FIG4: variants seen among roughly 807,000 people sequenced by gnomAD.
The protein encoded by FIG4 is FIG4 phosphoinositide 5-phosphatase.
A neutral mutation model predicts 118.6 loss-of-function variants in FIG4; 112 were observed. The ratio of observed to expected loss-of-function variants is 0.94; its 90% CI spans 0.81 to 1.11. FIG4 has a LOEUF of 1.11. FIG4 is among the 50% of genes least tolerant of loss of function. FIG4 has a pLI of 0.00. For synonymous variants in FIG4, 369 were observed against 381.2 expected (o/e 0.97, Z 0.37); for missense variants, 969 against 1,111.7 (o/e 0.87, Z 1.83).
chr6:109,756,075 C>T (rs1328923589), intron 10 of FIG4, among the ~76,000 whole-genome samples: 7 of 152,150 alleles, frequency 4.6e-5, no homozygotes, highest in Non-Finnish European at 7.3e-5. Context: ...CGGCTGGTGC[C>T]GGTTGTTCCT....
intron 1 of FIG4, among the ~76,000 whole-genome samples, chr6:109,695,992 T>C (rs1774707070): frequency 6.6e-6 from 1 of 152,222 alleles, no homozygotes; most frequent in South Asian, 2.1e-4. Context: ...AACAAACAAG[T>C]GAATTTTTTT....
intron 3 of FIG4, among the ~76,000 whole-genome samples, chr6:109,723,147 TG>T (rs1184195520): frequency 6.6e-6 from 1 of 152,250 alleles, no homozygotes; most frequent in Non-Finnish European, 1.5e-5. Flanking sequence ...AAACTTTTAA[TG>T]TTTTCCTTTG....
intron 22 of FIG4, among the ~76,000 whole-genome samples, chr6:109,797,062 T>C (rs569312227): frequency 3.3e-5 from 5 of 152,168 alleles, no homozygotes; most frequent in Non-Finnish European, 5.9e-5. Flanking sequence ...AATGCATCTT[T>C]GGAGGTGGGT....
intron 14 of FIG4, among the ~76,000 whole-genome samples, chr6:109,766,137 T>G (rs1777272081): frequency 6.6e-6 from 1 of 152,130 alleles, no homozygotes; most frequent in African/African-American, 2.4e-5. Context: ...GTGTCCTTAT[T>G]ATAAAAGACT....
rs182299340 is a variant in FIG4, at chr6:109,721,984, A to G, written c.290-5125A>G. The stretch of plus-strand genomic sequence containing the variant: ...AAGAATTTTTATCTAAAAAATAAAT[A>G]TACAGCAAGAATAAAAGGAAAACTA... On this transcript the variant is annotated intron_variant, in intron 3 of 22. Transcript: ENST00000230124. Among the ~76,000 whole-genome samples, 17 of 152,340 alleles carry G rather than the reference A, an allele frequency of 1.1e-4. No individual in the cohort carries two copies. The East Asian group carries it at 3.1e-3, about 28-fold the overall frequency.
In FIG4 at chr6:109,732,622, T is replaced by G; in HGVS notation, c.447-15T>G. 6.5e-6 allele frequency: 6 copies of G among 924,214 alleles called. No individual in the cohort carries two copies. Among genetic ancestry groups the G allele is most frequent in the Non-Finnish European group, 7.6e-6 (5 of 661,806 alleles). The allele number at this position is 924,214 out of a possible 1,614,324, so 57.3% of individuals were successfully genotyped here. A position where few individuals can be genotyped will look rare whatever the true frequency, so the allele number is the denominator to read the frequency against. On this transcript the variant is annotated splice_polypyrimidine_tract_variant and intron_variant, in intron 4 of 22. Coordinates refer to ENST00000230124, the MANE Select transcript of FIG4 (RefSeq NM_014845.6). ...TATTGGACAAATGAAATGTACTTTG[T>G]TTTTTTTTTTTTAGGTATCTACGAA...
At chr6:109,744,569 T>C (rs2128387238) in intron 10 of FIG4, among the ~76,000 whole-genome samples, 1 of 152,108 alleles carries the variant, frequency 6.6e-6, no homozygotes, top group Middle Eastern at 3.4e-3. Context: ...TTAATAAATG[T>C]AGATGAGTTT....
intron 10 of FIG4, among the ~76,000 whole-genome samples, chr6:109,752,106 G>A (rs984314385): frequency 1.3e-5 from 2 of 149,900 alleles, no homozygotes; most frequent in African/African-American, 4.9e-5. Context: ...TTTTGTTCTT[G>A]CGATAGTTTA....
In FIG4 at chr6:109,771,470, T is replaced by TTC. The variant is rs2128393650; in HGVS notation, c.1750+4576_1750+4577insCT. 1.4e-5 allele frequency among the ~76,000 whole-genome samples: 2 copies of TTC among 138,232 alleles called. 1 individual carries two copies. Among genetic ancestry groups the TTC allele is most frequent in the East Asian group, 4.1e-4 (2 of 4,820 alleles). 90.7% of individuals were successfully genotyped at this position (138,232 alleles called of 152,430 possible). On this transcript the variant is annotated intron_variant, in intron 15 of 22. Transcript: ENST00000230124. ...GGAACTTCCTCTAATTCTTTTTTTTTTTTTTTTTTTTTTTTTGAGACAGAG... is the reference window on the plus strand; with the variant it reads ...GGAACTTCCTCTAATTCTTTTTTTTTTCTTTTTTTTTTTTTTTTGAGACAGAG...
chr6:109,755,536 G>T (rs1018647246), intron 10 of FIG4, among the ~76,000 whole-genome samples: 1 of 152,148 alleles, frequency 6.6e-6, no homozygotes, highest in South Asian at 2.1e-4. Flanking sequence ...TGACAGTGGG[G>T]TGTTGAAGTT....
intron 19 of FIG4, 28 bp from the exon 20 acceptor site, chr6:109,791,348 C>G: frequency 6.3e-7 from 1 of 1,591,272 alleles, no homozygotes; most frequent in East Asian, 2.2e-5. Flanking sequence ...TTTAAAGATG[C>G]TTCACTTCCA....
At chr6:109,770,850 C>T (rs1231395800) in intron 15 of FIG4, among the ~76,000 whole-genome samples, 2 of 152,120 alleles carry the variant, frequency 1.3e-5, no homozygotes, top group African/African-American at 2.4e-5. Flanking sequence ...AATATCCAAA[C>T]GATATCACAG....
At chr6:109,767,999 C>T (rs771551747) in intron 15 of FIG4, among the ~76,000 whole-genome samples, 44 of 152,134 alleles carry the variant, frequency 2.9e-4, no homozygotes, top group Middle Eastern at 3.2e-3. Flanking sequence ...GTTGAAGAGA[C>T]GCAGCATGTA....
chr6:109,762,690 G>T (rs1777148816), intron 12 of FIG4, among the ~76,000 whole-genome samples: 1 of 151,370 alleles, frequency 6.6e-6, no homozygotes, highest in Non-Finnish European at 1.5e-5. Context: ...AGTTAATGTA[G>T]TTAACTACAA....
At chr6:109,777,274 A>G (rs982187499) in intron 16 of FIG4, among the ~76,000 whole-genome samples, 13 of 152,180 alleles carry the variant, frequency 8.5e-5, no homozygotes, top group Admixed American at 2.0e-4. Context: ...GAAGTACATC[A>G]TGGAGAATGG....
intron 15 of FIG4, among the ~76,000 whole-genome samples, chr6:109,772,068 C>T (rs1777483052): frequency 6.6e-6 from 1 of 152,204 alleles, no homozygotes; most frequent in South Asian, 2.1e-4. Context: ...CCTGCCATGA[C>T]ACCGAAACTG....
intron 22 of FIG4, among the ~76,000 whole-genome samples, chr6:109,803,085 G>A (rs527880480): frequency 2.8e-4 from 43 of 152,214 alleles, no homozygotes; most frequent in African/African-American, 9.9e-4. Flanking sequence ...TTTAATCCAA[G>A]GGACAGGTAG....
chr6:109,809,040 G>A (rs955102990), intron 22 of FIG4, among the ~76,000 whole-genome samples: 1 of 152,192 alleles, frequency 6.6e-6, no homozygotes, highest in Non-Finnish European at 1.5e-5. Flanking sequence ...AAGAGAGTAT[G>A]AGAAGTTCAT....
At chr6:109,773,271 CT>C (rs1311671423) in intron 15 of FIG4, among the ~76,000 whole-genome samples, 1 of 152,124 alleles carries the variant, frequency 6.6e-6, no homozygotes, top group Non-Finnish European at 1.5e-5. Flanking sequence ...GATGAGTAAC[CT>C]TAATTACATC....
Sources: allele counts gnomAD v4.1 joint callset (sites outside exome capture counted in the v4.1 genomes callset), GRCh38; gene constraint gnomAD v4.1.1; transcripts MANE v1.5; gene names NCBI Gene and HGNC (gene_info 2026-07-23, HGNC 2026-07-21).